Variants in ANK3 observed in about 807,000 individuals in gnomAD.
ANK3 encodes ankyrin 3.
Under a neutral mutation model 370.9 loss-of-function variants are expected in ANK3, and 57 were observed. That is an observed-to-expected ratio of 0.15 (90% confidence interval 0.12 to 0.19). The LOEUF is 0.19. Ranked by LOEUF, ANK3 falls within the 10% of genes least tolerant of loss-of-function variation. The probability of loss-of-function intolerance (pLI) is 1.00; values close to 1 mark genes in which losing one functional copy is unlikely to be tolerated. For missense variants in ANK3, 4,439 were observed against 5,302.1 expected, an observed-to-expected ratio of 0.84 and a Z score of 5.06; for synonymous variants, 1,929 against 1,946.3, an observed-to-expected ratio of 0.99 and a Z score of 0.23.
chr10:60,730,608 G>A (rs987441546), intron 1 of ANK3, among the ~76,000 whole-genome samples: 15 of 152,162 alleles, frequency 9.9e-5, no homozygotes, highest in Middle Eastern at 3.4e-3. Flanking sequence ...TTCACATGTC[G>A]ACAAAGGATG....
At chr10:60,422,842 T>C (rs937819233) in intron 2 of ANK3, among the ~76,000 whole-genome samples, 2 of 152,104 alleles carry the variant, frequency 1.3e-5, no homozygotes, top group African/African-American at 4.8e-5. Flanking sequence ...GGAGTGATTT[T>C]CAGTAGTTTT....
At chr10:60,358,060 C>T (rs1383349460) in intron 1 of ANK3, among the ~76,000 whole-genome samples, 3 of 151,824 alleles carry the variant, frequency 2.0e-5, no homozygotes, top group Non-Finnish European at 2.9e-5. Flanking sequence ...CAAGGAGATG[C>T]TTTTCCTATC....
chr10:60,188,729 G>T (rs1397813523), intron 16 of ANK3, among the ~76,000 whole-genome samples: 1 of 152,176 alleles, frequency 6.6e-6, no homozygotes, highest in South Asian at 2.1e-4. Flanking sequence ...ACTAGCCTCT[G>T]CCAAACTGGA....
At chr10:60,497,188 CCAGTTA>C (rs1396345003) in intron 2 of ANK3, among the ~76,000 whole-genome samples, 1 of 151,856 alleles carries the variant, frequency 6.6e-6, no homozygotes. Context: ...CCTGTGGTCC[CCAGTTA>C]CTCAGGAGGC....
intron 24 of ANK3, 89 bp from the exon 25 acceptor site, chr10:60,134,462 C>T (rs2094239921): frequency 1.1e-6 from 1 of 890,116 alleles, no homozygotes; most frequent in Admixed American, 3.0e-5. Context: ...TAAGAACAGG[C>T]AAGATGGCTA....
intron 2 of ANK3, among the ~76,000 whole-genome samples, chr10:60,518,852 A>G (rs1230798293): frequency 6.6e-6 from 1 of 152,138 alleles, no homozygotes; most frequent in East Asian, 1.9e-4. Context: ...CGATGCCTGA[A>G]GGCATTTTGA....
chr10:60,369,090 T>C (rs1008723983), intron 1 of ANK3, among the ~76,000 whole-genome samples: 4 of 150,140 alleles, frequency 2.7e-5, no homozygotes, highest in Admixed American at 6.6e-5. Context: ...TAAATTATAC[T>C]TCGGTTTAAA....
chr10:60,071,489 G>C lies in ANK3; in HGVS notation c.9392C>G (p.Thr3131Ser). The change falls in exon 37 of 44, where the codon ACC becomes AGC. Residue 3131 changes from threonine (T) to serine (S), a missense_variant. By Grantham distance (58) the Thr-to-Ser change is moderately conservative. Coordinates refer to ENST00000280772, the MANE Select transcript of ANK3 (RefSeq NM_020987.5). The part of the protein sequence containing the change: ...ECKTVQETRG[T>S]FYTTRQQKQP... ...CTTTTGCTGTCTAGTTGTATAAAAG[G>C]TCCCCCTGGTTTCTTGTACTGTCTT... 1 of 1,613,856 alleles carries C rather than the reference G, an allele frequency of 6.2e-7. No individual in the cohort carries two copies. Among genetic ancestry groups the C allele is most frequent in the Non-Finnish European group, 8.5e-7 (1 of 1,179,910 alleles).
At chr10:60,327,426 G>A (rs2050166811) in intron 1 of ANK3, among the ~76,000 whole-genome samples, 1 of 152,186 alleles carries the variant, frequency 6.6e-6, no homozygotes, top group Admixed American at 6.5e-5. Flanking sequence ...ACAGTGGGAT[G>A]GTTGGTAAAT....
chr10:60,374,074 G>A (rs1175794378), intron 1 of ANK3, among the ~76,000 whole-genome samples: 4 of 151,998 alleles, frequency 2.6e-5, no homozygotes, highest in Non-Finnish European at 5.9e-5. Flanking sequence ...CTGCCCAAGT[G>A]CTCCTTGTAT....
At chr10:60,416,550 T>C (rs1400962827) in intron 2 of ANK3, among the ~76,000 whole-genome samples, 14 of 152,178 alleles carry the variant, frequency 9.2e-5, no homozygotes, top group Non-Finnish European at 1.8e-4. Context: ...TGGTGAGTTG[T>C]GGGGAGGAGA....
chr10:60,251,267 C>T (rs1017183739), intron 7 of ANK3, among the ~76,000 whole-genome samples: 6 of 152,104 alleles, frequency 3.9e-5, no homozygotes, highest in Non-Finnish European at 5.9e-5. Context: ...TCTGACCAAC[C>T]GCTCTCTGGG....
intron 2 of ANK3, among the ~76,000 whole-genome samples, chr10:60,571,838 T>C (rs77408425): frequency 9.5e-4 from 144 of 152,332 alleles, no homozygotes; most frequent in Non-Finnish European, 1.6e-3. Flanking sequence ...AGGTTTACCA[T>C]AATCATCTAT....
rs111068373 is a variant in ANK3, at chr10:60,469,222, C to T, written c.96+145964G>A. On this transcript the variant is annotated intron_variant, in intron 2 of 43. Transcript: ENST00000373827. ...GTATATATATATACCACTTTTAGTG[C>T]ATATATATATATATATACCACTTTT... Among the ~76,000 whole-genome samples, 43 of 10,498 alleles carry T rather than the reference C, an allele frequency of 4.1e-3. 1 individual carries two copies. Among genetic ancestry groups the T allele is most frequent in the Non-Finnish European group, 5.8e-3 (33 of 5,698 alleles). 6.9% of individuals were successfully genotyped at this position (10,498 alleles called of 152,430 possible).
chr10:60,616,760 T>G (rs1047012649), intron 1 of ANK3, among the ~76,000 whole-genome samples: 2 of 152,146 alleles, frequency 1.3e-5, no homozygotes, highest in Non-Finnish European at 2.9e-5. Flanking sequence ...TTGCGTATCA[T>G]GTGCCCACCA....
intron 2 of ANK3, among the ~76,000 whole-genome samples, chr10:60,580,955 T>C (rs183611085): frequency 2.2e-3 from 334 of 152,336 alleles, no homozygotes; most frequent in Non-Finnish European, 3.8e-3. Flanking sequence ...ACTTTTATCG[T>C]CTTTGAAAAT....
At chr10:60,086,991 C>CA (rs34256603) in intron 29 of ANK3, 107 bp from the exon 30 acceptor site, 67,893 of 143,916 alleles carry the variant, frequency 0.47, 17,909 homozygotes, top group East Asian at 0.76. Flanking sequence ...AACAGACAAC[C>CA]AAAAAAAAAA....
At chr10:60,104,104 G>C (rs967068352) in intron 28 of ANK3, among the ~76,000 whole-genome samples, 2 of 151,926 alleles carry the variant, frequency 1.3e-5, no homozygotes, top group African/African-American at 2.4e-5. Flanking sequence ...GGAGTGAGAG[G>C]ATCACAAAAA....
intron 1 of ANK3, among the ~76,000 whole-genome samples, chr10:60,641,813 G>T (rs1266801344): frequency 6.6e-6 from 1 of 152,104 alleles, no homozygotes; most frequent in Non-Finnish European, 1.5e-5. Context: ...CTTCTGCCCA[G>T]CAAGAGAAAC....
Sources: gnomAD v4.1 joint callset for allele counts (sites outside exome capture counted in the v4.1 genomes callset) on GRCh38, gnomAD v4.1.1 for gene constraint, MANE v1.5 for transcripts, NCBI Gene and HGNC (gene_info 2026-07-23, HGNC 2026-07-21) for gene names.